GABRA3: variants seen among roughly 807,000 people sequenced by gnomAD.
GABRA3 encodes the protein gamma-aminobutyric acid type A receptor subunit alpha3, also known as gamma-aminobutyric acid receptor subunit alpha-3.
In GABRA3, 10 loss-of-function variants were observed where a neutral mutation model predicts 30.1. The observed-to-expected ratio is 0.33, with a 90% CI of 0.20 to 0.56. The LOEUF (loss-of-function observed/expected upper bound fraction) is 0.56. Among genes scored for constraint, GABRA3 ranks in the 20% least tolerant of loss-of-function variants. The pLI is 0.89. For synonymous variants in GABRA3, 151 were observed against 146.8 expected (o/e 1.03, Z -0.21); for missense variants, 233 against 392.0 (o/e 0.59, Z 3.42).
intron 1 of GABRA3, among the ~76,000 whole-genome samples, chrX:152,432,980 G>C (rs1930684869): frequency 9.1e-6 from 1 of 110,382 alleles, no homozygotes. Context: ...GAGAGAAAAG[G>C]AGTTGAATTA....
intron 6 of GABRA3, among the ~76,000 whole-genome samples, chrX:152,222,564 C>T (rs1233825470): frequency 9.2e-6 from 1 of 108,821 alleles, no homozygotes; most frequent in Admixed American, 1.0e-4. Context: ...TGGTTTTTGG[C>T]ATTGGTTTTA....
At chrX:152,388,233 T>C (rs1929379036) in intron 1 of GABRA3, among the ~76,000 whole-genome samples, 1 of 111,294 alleles carries the variant, frequency 9.0e-6, no homozygotes, top group Non-Finnish European at 1.9e-5. Context: ...TTGTCCAATG[T>C]CGTAATACAA....
At chrX:152,403,542 GTGTGCACACGTGTGTGTA>G (rs1008235555) in intron 1 of GABRA3, among the ~76,000 whole-genome samples, 15 of 85,166 alleles carry the variant, frequency 1.8e-4, no homozygotes, top group South Asian at 7.2e-4. Flanking sequence ...GTGCTTGTGT[GTGTGCACACGTGTGTGTA>G]TGTGCACACG....
intron 3 of GABRA3, among the ~76,000 whole-genome samples, chrX:152,340,337 T>C (rs1160978588): frequency 1.8e-5 from 2 of 112,286 alleles, no homozygotes; most frequent in Admixed American, 9.5e-5. Context: ...AGCTACACAA[T>C]ACATGGTTAT....
At chrX:152,207,450 T>C (rs1298225860) in intron 7 of GABRA3, among the ~76,000 whole-genome samples, 3 of 111,532 alleles carry the variant, frequency 2.7e-5, no homozygotes, top group Admixed American at 9.5e-5. Flanking sequence ...GTTTCATTTG[T>C]CAATATCCAA....
chrX:152,377,552 C>T (rs776421993), intron 1 of GABRA3, among the ~76,000 whole-genome samples: 1 of 109,063 alleles, frequency 9.2e-6, no homozygotes, highest in Non-Finnish European at 1.9e-5. Flanking sequence ...GAGAATAAAC[C>T]CAAAACTGTA....
chrX:152,172,076 G>A (rs1937010423), intron 9 of GABRA3, among the ~76,000 whole-genome samples: 1 of 111,507 alleles, frequency 9.0e-6, no homozygotes, highest in African/African-American at 3.3e-5. Flanking sequence ...TGGAATATAT[G>A]CTATGTGGGA....
chrX:152,215,520 T>C (rs1342524489), intron 6 of GABRA3, among the ~76,000 whole-genome samples: 1 of 111,328 alleles, frequency 9.0e-6, no homozygotes, highest in Non-Finnish European at 1.9e-5. Flanking sequence ...CTTTTCAACA[T>C]GGTGCTGAGA....
intron 9 of GABRA3, among the ~76,000 whole-genome samples, chrX:152,182,312 TACACAC>T (rs72009096): frequency 6.7e-5 from 6 of 89,308 alleles, no homozygotes; most frequent in African/African-American, 1.3e-4. Context: ...TATATATATA[TACACAC>T]ACACACACAC....
At chrX:152,250,876 T>C (rs1014011271) in intron 5 of GABRA3, among the ~76,000 whole-genome samples, 4 of 111,161 alleles carry the variant, frequency 3.6e-5, no homozygotes, top group Admixed American at 1.9e-4. Context: ...AGGGGTGCTA[T>C]AGAATAACAC....
chrX:152,215,056 T>TATA (rs1422105758), intron 6 of GABRA3, among the ~76,000 whole-genome samples: 235 of 102,402 alleles, frequency 2.3e-3, no homozygotes, highest in Middle Eastern at 1.0e-2. Flanking sequence ...ATATATATAT[T>TATA]TTTTTATATG....
intron 1 of GABRA3, among the ~76,000 whole-genome samples, chrX:152,445,087 ATACT>A (rs1441137983): frequency 4.0e-5 from 4 of 100,949 alleles, no homozygotes; most frequent in Non-Finnish European, 7.9e-5. Flanking sequence ...AAAAAAAAAA[ATACT>A]TGTGTTTTTT....
At chrX:152,304,422 G>T (rs1045970594) in intron 3 of GABRA3, among the ~76,000 whole-genome samples, 23 of 112,087 alleles carry the variant, frequency 2.1e-4, no homozygotes, top group African/African-American at 6.1e-4. Flanking sequence ...TAGGATTTTT[G>T]TAGTTTGGCG....
intron 4 of GABRA3, among the ~76,000 whole-genome samples, chrX:152,279,693 A>G (rs1939162168): frequency 9.0e-6 from 1 of 111,469 alleles, no homozygotes; most frequent in African/African-American, 3.3e-5. Flanking sequence ...TCTATAAATT[A>G]CCTTGGGCAG....
At chrX:152,336,513 G>A (rs1940237123) in intron 3 of GABRA3, among the ~76,000 whole-genome samples, 1 of 112,080 alleles carries the variant, frequency 8.9e-6, no homozygotes, top group Admixed American at 9.5e-5. Context: ...TGTATAATTT[G>A]TCAATGAGCA....
chrX:152,217,172 G>A (rs1442504219), intron 6 of GABRA3, among the ~76,000 whole-genome samples: 1 of 111,251 alleles, frequency 9.0e-6, no homozygotes, highest in Non-Finnish European at 1.9e-5. Context: ...TTCTAGTGCA[G>A]AGTATATATG....
chrX:152,269,852 T>C lies in GABRA3; in HGVS notation c.331-13854A>G, dbSNP rs193174800. On this transcript the variant is annotated intron_variant, in intron 4 of 9. Coordinates refer to ENST00000370314, the MANE Select transcript of GABRA3 (RefSeq NM_000808.4). ...CACACAATAATAAAATCAAAATGGA[T>C]TGAAGACTTAAATTTAAGACTTAAA... Among the ~76,000 whole-genome samples the C allele has an allele frequency of 2.3e-3, 262 of 112,006 alleles. 1 individual carries two copies. The highest frequency in any genetic ancestry group is 3.8e-3 in the Non-Finnish European group (200 of 53,183).
chrX:152,205,758 T>A (rs929556763), intron 7 of GABRA3, among the ~76,000 whole-genome samples: 33 of 111,981 alleles, frequency 2.9e-4, no homozygotes, highest in African/African-American at 1.1e-3. Context: ...AACACATTTA[T>A]AATATAAAAT....
At chrX:152,326,355 G>A (rs1049982457) in intron 3 of GABRA3, among the ~76,000 whole-genome samples, 5 of 110,957 alleles carry the variant, frequency 4.5e-5, no homozygotes, top group South Asian at 3.8e-4. Flanking sequence ...TACAGAGAAC[G>A]TCACAAAGAT....
Sources: gnomAD v4.1 joint callset for allele counts (sites outside exome capture counted in the v4.1 genomes callset) on GRCh38, gnomAD v4.1.1 for gene constraint, MANE v1.5 for transcripts, NCBI Gene and HGNC (gene_info 2026-07-23, HGNC 2026-07-21) for gene names.